Variants in TRPV4 observed in about 807,000 individuals in gnomAD.
TRPV4 encodes transient receptor potential cation channel subfamily V member 4, also known as OSM9-like transient receptor potential channel 4.
A neutral mutation model predicts 84.1 loss-of-function variants in TRPV4; 58 were observed. The ratio of observed to expected loss-of-function variants is 0.69; its 90% confidence interval spans 0.56 to 0.86. The LOEUF (loss-of-function observed/expected upper bound fraction) is 0.86. Ranked by LOEUF, TRPV4 falls within the 40% of genes least tolerant of loss-of-function variation. The pLI is 0.00. For synonymous variants in TRPV4, 489 were observed against 500.9 expected, an observed-to-expected ratio of 0.98 and a Z score of 0.32; for missense variants, 879 against 1,181.1, an observed-to-expected ratio of 0.74 and a Z score of 3.75.
chr12:109,821,373 C>T (rs562104637), intron 1 of TRPV4, among the ~76,000 whole-genome samples: 218 of 152,352 alleles, frequency 1.4e-3, no homozygotes, highest in African/African-American at 5.0e-3. Flanking sequence ...TTCCCTCCGC[C>T]TGGAATGCCC....
At chr12:109,799,540 A>G (rs1025980150) in intron 5 of TRPV4, among the ~76,000 whole-genome samples, 2 of 152,226 alleles carry the variant, frequency 1.3e-5, no homozygotes, top group Non-Finnish European at 2.9e-5. Context: ...TCATGAGTCC[A>G]GTGATGACAA....
chr12:109,793,586 G>C lies in TRPV4; in HGVS notation c.1599C>G (p.Phe533Leu). 1 of 1,613,972 alleles carries C rather than the reference G, an allele frequency of 6.2e-7. No homozygotes were observed. Residue 533 changes from phenylalanine (F) to leucine (L), a missense_variant, in exon 10 of 16, where the codon TTC (phenylalanine) becomes TTG (leucine). Phe to Leu is a conservative substitution (Grantham distance 22, BLOSUM62 0). This residue lies in a region of TRPV4 where 521 missense variants were observed against 686.6 expected (regional missense o/e 0.76). Transcript: ENST00000261740. The surrounding 1 kb of genome is among the most constrained non-coding windows in gnomAD (Gnocchi z 4.0). ...AATTCACTCCAGGGCATTTCTTCATGAACAAGTCTTTGATCTGGAAGACAG... is the reference window on the plus strand; with the variant it reads ...AATTCACTCCAGGGCATTTCTTCATCAACAAGTCTTTGATCTGGAAGACAG... The part of the protein sequence containing the change: ...LFFFTNIKDL[F>L]MKKCPGVNSL...
intron 2 of TRPV4, among the ~76,000 whole-genome samples, chr12:109,813,978 T>C (rs914774494): frequency 3.3e-5 from 5 of 151,404 alleles, no homozygotes; most frequent in South Asian, 2.1e-4. Context: ...GATGAATGGA[T>C]GGATGATGGA....
Position 109,796,819 on chromosome 12 carries a change from AC to A in TRPV4, c.1153-116del. 9.5e-7 allele frequency: 1 copy of A among 1,050,022 alleles called. No individual in the cohort carries two copies. The highest frequency in any genetic ancestry group is 1.3e-6 in the Non-Finnish European group (1 of 742,712). 65.0% of individuals were successfully genotyped at this position (1,050,022 alleles called of 1,614,324 possible). On this transcript the variant is annotated intron_variant, in intron 6 of 15. Transcript: ENST00000261740. The surrounding 1 kb of genome is among the most constrained non-coding windows in gnomAD (Gnocchi z 4.2). The stretch of plus-strand genomic sequence containing the variant: ...ACAGCTAAGCACCGGCTGCTGGAGG[AC>A]CCTTTCCTCATCTTGTTTAATTCTT...
Position 109,829,186 on chromosome 12 carries a change from A to T in TRPV4, c.-32+4164T>A, listed in dbSNP as rs887920433. ...GACCCTGTCTCTAAAAATAATAAAT[A>T]AAAAAAAAAGTGAACAACAGGCAAT... On this transcript the variant is annotated intron_variant, in intron 1 of 15. Transcript: ENST00000261740. Among the ~76,000 whole-genome samples the T allele has an allele frequency of 8.7e-5, 12 of 138,628 alleles. No individual in the cohort carries two copies. In the South Asian group the frequency reaches 1.1e-3, roughly 13 times the overall value. The allele number at this position is 138,628 out of a possible 152,430, so 90.9% of individuals were successfully genotyped here. A position where few individuals can be genotyped will look rare whatever the true frequency, so the allele number is the denominator to read the frequency against.
chr12:109,829,461 T>C lies in TRPV4; in HGVS notation c.-32+3889A>G, dbSNP rs140878786. On this transcript the variant is annotated intron_variant, in intron 1 of 15. Coordinates refer to ENST00000261740, the MANE Select transcript of TRPV4 (RefSeq NM_021625.5). Reference sequence around the variant, plus strand: ...TCAGTCAATGCTCATAAATATTTCATTGCTGAAAACATATCATTATTTGCC... The same window carrying C: ...TCAGTCAATGCTCATAAATATTTCACTGCTGAAAACATATCATTATTTGCC... 1.4e-3 allele frequency among the ~76,000 whole-genome samples: 215 copies of C among 152,356 alleles called. 1 individual carries two copies. The highest frequency in any genetic ancestry group is 4.9e-3 in the African/African-American group (203 of 41,596).
intron 1 of TRPV4, among the ~76,000 whole-genome samples, chr12:109,823,791 G>C (rs577615694): frequency 4.6e-5 from 7 of 152,250 alleles, no homozygotes; most frequent in Admixed American, 3.3e-4. Flanking sequence ...AAAAGACTGA[G>C]TTATGAGTAT....
At chr12:109,789,536 G>A (rs537681197) in intron 12 of TRPV4, among the ~76,000 whole-genome samples, 23 of 152,150 alleles carry the variant, frequency 1.5e-4, no homozygotes, top group Non-Finnish European at 2.4e-4. Context: ...GGCCTCTCCT[G>A]CTCTAGACAT....
Position 109,793,911 on chromosome 12 carries a change from A to AG in TRPV4, c.1584+18_1584+19insC. The stretch of plus-strand genomic sequence containing the variant: ...GAGGAGGGCAGGCAGGGTGGGGGGC[A>AG]CGGGGGCCAGGCACTTACGTTGGTG... On this transcript the variant is annotated intron_variant, in intron 9 of 15. Transcript: ENST00000261740. The surrounding 1 kb of genome is among the most constrained non-coding windows in gnomAD (Gnocchi z 4.0). 1.3e-6 allele frequency: 2 copies of AG among 1,495,128 alleles called. No individual in the cohort carries two copies. Among genetic ancestry groups the AG allele is most frequent in the Non-Finnish European group, 1.8e-6 (2 of 1,096,044 alleles). The allele number at this position is 1,495,128 out of a possible 1,614,324, so 92.6% of individuals were successfully genotyped here. A position where few individuals can be genotyped will look rare whatever the true frequency, so the allele number is the denominator to read the frequency against.
At chr12:109,817,364 C>T (rs1016541005) in intron 1 of TRPV4, among the ~76,000 whole-genome samples, 2 of 152,088 alleles carry the variant, frequency 1.3e-5, no homozygotes, top group African/African-American at 4.8e-5. Context: ...CACCCCTCAC[C>T]ATGGCACCTC....
In TRPV4 at chr12:109,793,152, A is replaced by G. The variant is rs1054644187; in HGVS notation, c.1659-335T>C. On this transcript the variant is annotated intron_variant, in intron 10 of 15. Transcript: ENST00000261740. This position sits in a 1 kb window ranked among gnomAD's most constrained non-coding sequence, Gnocchi z 4.0. ...CTAAGGGAAATGTGAAAGAGGTAAC[A>G]CACACTCAGTAACTCTCTCATTCTC... Among the ~76,000 whole-genome samples the G allele has an allele frequency of 6.6e-5, 10 of 152,206 alleles. No homozygotes were observed. The highest frequency in any genetic ancestry group is 1.5e-4 in the Non-Finnish European group (10 of 68,042).
At chr12:109,788,763 A>G in intron 12 of TRPV4, 47 bp from the exon 13 acceptor site, 1 of 1,599,942 alleles carries the variant, frequency 6.3e-7, no homozygotes, top group South Asian at 1.1e-5. Flanking sequence ...GCACACCCAC[A>G]GAGAGGTGGA....
At chr12:109,802,363 G>A (rs1052996018) in intron 4 of TRPV4, among the ~76,000 whole-genome samples, 2 of 149,888 alleles carry the variant, frequency 1.3e-5, no homozygotes, top group East Asian at 2.0e-4. Context: ...GTGCAATGGC[G>A]CGATATTGGC....
In TRPV4 at chr12:109,796,620, G is replaced by A. The variant is rs1180877949; in HGVS notation, c.1237C>T (p.Pro413Ser). 6.2e-7 allele frequency: 1 copy of A among 1,614,182 alleles called. No homozygotes were observed. ...AGGTCATAAAGCGAGGAATACACTG[G>A]CCCATAGGCCCAGTCCTTGAACTTG... is the stretch of plus-strand genomic sequence containing the variant. ...SRKFKDWAYG[P>S]VYSSLYDLSS... is the part of the protein sequence containing the mutation. Residue 413 changes from proline to serine, a missense_variant, in exon 7 of 16, where the codon CCA (proline) becomes TCA (serine). Around this residue, in one of 4 missense-constraint regions of TRPV4, gnomAD observed 521 missense variants for 686.6 expected, o/e 0.76. Transcript: ENST00000261740. The surrounding 1 kb of genome is among the most constrained non-coding windows in gnomAD (Gnocchi z 4.2).
Position 109,793,615 on chromosome 12 carries a change from G to C in TRPV4, c.1585-15C>G. The C allele has an allele frequency of 1.2e-6, 2 of 1,612,522 alleles. No individual in the cohort carries two copies. The highest frequency in any genetic ancestry group is 8.5e-7 in the Non-Finnish European group (1 of 1,178,678). The stretch of plus-strand genomic sequence containing the variant: ...AAGTCTTTGATCTGGAAGACAGGAG[G>C]GGGCACGTGAAAGGGGTGGGGCCAG... On this transcript the variant is annotated splice_polypyrimidine_tract_variant and intron_variant, in intron 9 of 15. Transcript: ENST00000261740. The surrounding 1 kb of genome is among the most constrained non-coding windows in gnomAD (Gnocchi z 4.0).
At chr12:109,803,518 C>T (rs1238532253) in intron 3 of TRPV4, among the ~76,000 whole-genome samples, 2 of 152,038 alleles carry the variant, frequency 1.3e-5, no homozygotes, top group African/African-American at 4.8e-5. Context: ...TTGTGCAATC[C>T]TAGCTCATTG....
Position 109,788,867 on chromosome 12 carries a change from C to T in TRPV4, c.1892-151G>A, listed in dbSNP as rs117793063. ...TGACCCATGTCACCCTACACATCAG[C>T]CAAGCCACACCAGACCCAGGTCCTC... On this transcript the variant is annotated intron_variant, in intron 12 of 15. Transcript: ENST00000261740. 9,358 of 826,848 alleles carry T rather than the reference C, an allele frequency of 0.011. 87 individuals carry two copies. Among genetic ancestry groups the T allele is most frequent in the Non-Finnish European group, 0.015 (7,792 of 518,514 alleles). The allele number at this position is 826,848 out of a possible 1,614,324, so 51.2% of individuals were successfully genotyped here.
rs1191019525 is a variant in TRPV4, at chr12:109,803,029, TC to T, written c.673del (p.Glu225SerfsTer80). The T allele has an allele frequency of 1.9e-6, 3 of 1,614,018 alleles. No individual in the cohort carries two copies. Among genetic ancestry groups the T allele is most frequent in the Non-Finnish European group, 2.5e-6 (3 of 1,180,050 alleles). On this transcript the variant is annotated frameshift_variant, in exon 4 of 16. Transcript: ENST00000261740. LOFTEE classifies it high-confidence loss of function. ...DIAERTGNMR[E>X]FINSPFRDIY... ...GTCACGGAAGGGCGAGTTAATGAACTCCCTCATGTTGCCGGTGCGCTCCGCG... is the reference window on the plus strand; with the variant it reads ...GTCACGGAAGGGCGAGTTAATGAACTCCTCATGTTGCCGGTGCGCTCCGCG...
intron 2 of TRPV4, among the ~76,000 whole-genome samples, chr12:109,813,132 C>T (rs754370375): frequency 5.3e-5 from 8 of 152,084 alleles, no homozygotes; most frequent in African/African-American, 9.7e-5. Flanking sequence ...AAAGATGAGG[C>T]GGGATGCGGT....
Sources: gnomAD v4.1 joint callset for allele counts (sites outside exome capture counted in the v4.1 genomes callset) on GRCh38, gnomAD v4.1.1 for gene constraint, gnomAD v4.1.1 regional missense constraint, Gnocchi (gnomAD v3.1) non-coding constraint, MANE v1.5 for transcripts, NCBI Gene and HGNC (gene_info 2026-07-23, HGNC 2026-07-21) for gene names.